RIMBP2: variants seen among roughly 807,000 people sequenced by gnomAD.
The protein encoded by RIMBP2 is RIMS binding protein 2, also known as RIMS-binding protein 2.
In RIMBP2, 48 loss-of-function variants were observed where a neutral mutation model predicts 118.6. That is an observed-to-expected ratio of 0.40 (90% confidence interval 0.32 to 0.51). RIMBP2 has a LOEUF of 0.51. Ranked by LOEUF, RIMBP2 falls within the 20% of genes least tolerant of loss-of-function variation. The pLI, the probability that RIMBP2 is intolerant of heterozygous loss-of-function variation, is 0.41. For synonymous variants in RIMBP2, 762 were observed against 742.9 expected (o/e 1.03, Z -0.42); for missense variants, 1,551 against 1,768.3 (o/e 0.88, Z 2.20).
intron 2 of RIMBP2, among the ~76,000 whole-genome samples, chr12:130,551,587 G>A (rs1307671612): frequency 6.6e-6 from 1 of 152,026 alleles, no homozygotes. Flanking sequence ...GGCAAGGGCT[G>A]CTAGTCCAAC....
intron 2 of RIMBP2, among the ~76,000 whole-genome samples, chr12:130,584,564 C>G (rs200495324): frequency 6.6e-6 from 1 of 151,958 alleles, no homozygotes; most frequent in African/African-American, 2.4e-5. Context: ...ACCACCATCA[C>G]CTCATCACCA....
chr12:130,397,655 G>A (rs1380085304), intron 22 of RIMBP2, 106 bp from the exon 23 acceptor site: 7 of 395,512 alleles, frequency 1.8e-5, no homozygotes, highest in African/African-American at 8.2e-5. Context: ...GGTCAGGGGG[G>A]TTCATTTGTT....
chr12:130,584,608 A>G (rs2058745021), intron 2 of RIMBP2, among the ~76,000 whole-genome samples: 1 of 151,830 alleles, frequency 6.6e-6, no homozygotes, highest in Admixed American at 6.6e-5. Context: ...CACCACTATC[A>G]TGACCATTAC....
Position 130,419,545 on chromosome 12 carries a change from T to TA in RIMBP2, c.3238+2907dup, listed in dbSNP as rs1475587869. On this transcript the variant is annotated intron_variant, in intron 17 of 22. Transcript: ENST00000690449. The surrounding 1 kb of genome is among the most constrained non-coding windows in gnomAD (Gnocchi z 4.3). ...AGAGTTGACAGCTTTTGATTTTTTT[T>TA]ATTGCAGGGAAACCTGAAGAAAAGA... 1 of 152,248 alleles carries TA rather than the reference T, an allele frequency of 6.6e-6. No homozygotes were observed. Among genetic ancestry groups the TA allele is most frequent in the South Asian group, 2.1e-4 (1 of 4,832 alleles). 9.4% of individuals were successfully genotyped at this position (152,248 alleles called of 1,614,324 possible).
chr12:130,559,535 ACAC>A (rs941840778), intron 2 of RIMBP2, among the ~76,000 whole-genome samples: 1 of 152,136 alleles, frequency 6.6e-6, no homozygotes, highest in African/African-American at 2.4e-5. Context: ...CTGTGTATAT[ACAC>A]CACATTTCTT....
Position 130,450,203 on chromosome 12 carries a change from T to C in RIMBP2, c.578A>G (p.Tyr193Cys). The C allele has an allele frequency of 1.9e-6, 3 of 1,604,180 alleles. No homozygotes were observed. Among genetic ancestry groups the C allele is most frequent in the Non-Finnish European group, 2.6e-6 (3 of 1,174,166 alleles). Residue 193 changes from tyrosine to cysteine, a missense_variant, in exon 9 of 23, where the codon TAT becomes TGT. Transcript: ENST00000690449. This position sits in a 1 kb window ranked among gnomAD's most constrained non-coding sequence, Gnocchi z 4.8. ...SGKVHLCVARYSYNPFDGPNE... is the reference protein window; with the variant it reads ...SGKVHLCVARCSYNPFDGPNE... Reference sequence around the variant, plus strand: ...GACGCCGAGGGGCCGCACTTACCTATAGCGGGCAACACAGAGGTGGACCTT... The same window carrying C: ...GACGCCGAGGGGCCGCACTTACCTACAGCGGGCAACACAGAGGTGGACCTT...
chr12:130,608,110 TG>T (rs1280714454), intron 2 of RIMBP2, among the ~76,000 whole-genome samples: 2 of 152,210 alleles, frequency 1.3e-5, no homozygotes, highest in African/African-American at 4.8e-5. Context: ...CTTCCATGTC[TG>T]ACCTCCCAGC....
At chr12:130,713,513 T>C (rs1243599718) in intron 1 of RIMBP2, among the ~76,000 whole-genome samples, 1 of 151,212 alleles carries the variant, frequency 6.6e-6, no homozygotes, top group East Asian at 1.9e-4. Context: ...ACATAAGCCA[T>C]GCACTACCAC....
At chr12:130,701,236 C>T (rs535549355) in intron 1 of RIMBP2, among the ~76,000 whole-genome samples, 18 of 152,300 alleles carry the variant, frequency 1.2e-4, no homozygotes, top group African/African-American at 4.1e-4. Flanking sequence ...GGAGCTGAGC[C>T]GGGGCCCTCA....
chr12:130,468,344 A>T (rs1347770599), intron 6 of RIMBP2, among the ~76,000 whole-genome samples: 3 of 151,908 alleles, frequency 2.0e-5, no homozygotes, highest in Non-Finnish European at 4.4e-5. Flanking sequence ...GATTACAGCC[A>T]ACCTTGGGCC....
chr12:130,438,335 A>ACCGGGGGGCCCCCCCCCC, intron 12 of RIMBP2, 30 bp downstream of exon 12: 2 of 865,012 alleles, frequency 2.3e-6, no homozygotes, highest in Non-Finnish European at 3.8e-6. Context: ...GGCCTAACAA[A>ACCGGGGGGCCCCCCCCCC]CCCTCCCCAC....
intron 4 of RIMBP2, among the ~76,000 whole-genome samples, chr12:130,505,466 TCC>T (rs1176206767): frequency 1.0e-4 from 5 of 49,758 alleles, no homozygotes; most frequent in Admixed American, 2.3e-4. Flanking sequence ...CTCATCCCCA[TCC>T]CCCCCATCCC....
chr12:130,438,343 C>CCT (rs1555249188), intron 12 of RIMBP2, 22 bp downstream of exon 12: 2 of 1,430,928 alleles, frequency 1.4e-6, no homozygotes, highest in Non-Finnish European at 9.8e-7. Context: ...AAACCCTCCC[C>CCT]ACCCACCCAA....
intron 2 of RIMBP2, among the ~76,000 whole-genome samples, chr12:130,606,174 A>G (rs140024200): frequency 6.6e-6 from 1 of 152,300 alleles, no homozygotes; most frequent in East Asian, 1.9e-4. Context: ...AATATGGTAA[A>G]AAATAAAAAA....
At chr12:130,667,038 A>G (rs1448013631) in intron 1 of RIMBP2, among the ~76,000 whole-genome samples, 4 of 115,844 alleles carry the variant, frequency 3.5e-5, no homozygotes, top group African/African-American at 6.7e-5. Flanking sequence ...AAGAAGAGGG[A>G]GGAAGGGAGG....
chr12:130,553,955 T>C (rs2056090147), intron 2 of RIMBP2, among the ~76,000 whole-genome samples: 1 of 152,188 alleles, frequency 6.6e-6, no homozygotes, highest in South Asian at 2.1e-4. Context: ...ATTTATGGGA[T>C]CACAGTAAAA....
At chr12:130,561,660 G>A (rs1240305659) in intron 2 of RIMBP2, among the ~76,000 whole-genome samples, 1 of 152,114 alleles carries the variant, frequency 6.6e-6, no homozygotes, top group Non-Finnish European at 1.5e-5. Flanking sequence ...GTGGTCATTT[G>A]CGGTAGCTCT....
chr12:130,445,547 A>G (rs1405206867), intron 9 of RIMBP2, among the ~76,000 whole-genome samples: 3 of 152,220 alleles, frequency 2.0e-5, no homozygotes, highest in Admixed American at 2.0e-4. Context: ...CTGACATTCT[A>G]TTCACACTTA....
At chr12:130,502,796 C>A (rs776226849) in intron 4 of RIMBP2, among the ~76,000 whole-genome samples, 35 of 152,192 alleles carry the variant, frequency 2.3e-4, no homozygotes, top group Non-Finnish European at 4.4e-4. Context: ...GTACATAGTG[C>A]TCAATCAATC....
Sources: gnomAD v4.1 joint callset for allele counts (sites outside exome capture counted in the v4.1 genomes callset) on GRCh38, gnomAD v4.1.1 for gene constraint, Gnocchi (gnomAD v3.1) non-coding constraint, MANE v1.5 for transcripts, NCBI Gene and HGNC (gene_info 2026-07-23, HGNC 2026-07-21) for gene names.